Variants in ZFP62 observed in about 807,000 individuals in gnomAD.
ZFP62 encodes the protein zinc finger protein 62 homolog.
A neutral mutation model predicts 56.4 loss-of-function variants in ZFP62; 44 were observed. The observed-to-expected ratio is 0.78, with a 90% CI of 0.61 to 1.00. The LOEUF (loss-of-function observed/expected upper bound fraction) is 1.00, where lower values mean the gene tolerates loss of function less well. ZFP62 is among the 50% of genes least tolerant of loss of function. The probability of loss-of-function intolerance (pLI) is 0.00; values close to 1 mark genes in which losing one functional copy is unlikely to be tolerated. For missense variants in ZFP62, 1,030 were observed against 1,085.7 expected, an observed-to-expected ratio of 0.95 and a Z score of 0.72; for synonymous variants, 421 against 388.9, an observed-to-expected ratio of 1.08 and a Z score of -0.97.
chr5:180,843,312 GTATA>G (rs1773351764), downstream of ZFP62, among the ~76,000 whole-genome samples: 1 of 151,828 alleles, frequency 6.6e-6, no homozygotes, highest in African/African-American at 2.4e-5. Flanking sequence ...AAGAGAAAAA[GTATA>G]TAACTTCCAA....
At position 180,850,667 on chromosome 5, in the gene ZFP62, C is replaced by T. The variant is rs773469432; in HGVS notation, c.828G>A (p.Thr276=). Residue 276 remains threonine (T), a synonymous_variant, in exon 2 of 2, where the codon ACG becomes ACA. Coordinates refer to ENST00000502412, the MANE Select transcript of ZFP62 (RefSeq NM_001172638.2). ...TGTCGCATTCATAGGGCTTCTCCCC[C>T]GTGTGGATCCTTTTGTGGACTCTGA... ...SGLRVHKRIH[T]GEKPYECDIC... 5.7e-6 allele frequency: 9 copies of T among 1,589,378 alleles called. No individual in the cohort carries two copies. The highest frequency in any genetic ancestry group is 2.7e-5 in the African/African-American group (2 of 73,712).
chr5:180,848,782 G>C lies in ZFP62; in HGVS notation c.*10C>G. On this transcript the variant is annotated 3_prime_UTR_variant, in exon 2 of 2. Coordinates refer to ENST00000502412, the MANE Select transcript of ZFP62 (RefSeq NM_001172638.2). ...ATTTGAGTTCGGAGAGACTTGGTAA[G>C]CTCTGCCTGCTACAGAGGCATCCTC... 1 of 1,503,798 alleles carries C rather than the reference G, an allele frequency of 6.6e-7. No homozygotes were observed. The highest frequency in any genetic ancestry group is 8.9e-7 in the Non-Finnish European group (1 of 1,122,200). The allele number at this position is 1,503,798 out of a possible 1,614,324, so 93.2% of individuals were successfully genotyped here.
At chr5:180,830,523 C>T in the ZFP62 span, 1 of 152,326 alleles carries the variant, frequency 6.6e-6, no homozygotes, top group African/African-American at 2.4e-5. Context: ...TTCAGACGTT[C>T]ATCTTGCCTA....
rs777599753 is a variant in ZFP62, at chr5:180,847,871, C to T, written c.*921G>A. On this transcript the variant is annotated 3_prime_UTR_variant, in exon 2 of 2. Coordinates refer to ENST00000502412, the MANE Select transcript of ZFP62 (RefSeq NM_001172638.2). ...GCTTTTTAGCTTCTGCAATAAAATG[C>T]GTTCCTTCTCAGCATTTCTATTCAT... 8.1e-6 allele frequency: 8 copies of T among 985,264 alleles called. No homozygotes were observed. The highest frequency in any genetic ancestry group is 8.4e-6 in the Non-Finnish European group (7 of 829,926). 61.0% of individuals were successfully genotyped at this position (985,264 alleles called of 1,614,324 possible). A position where few individuals can be genotyped will look rare whatever the true frequency, so the allele number is the denominator to read the frequency against.
Position 180,849,167 on chromosome 5 carries a change from T to C in ZFP62, c.2328A>G (p.Lys776=), listed in dbSNP as rs1385335452. The C allele has an allele frequency of 1.3e-6, 2 of 1,564,010 alleles. No homozygotes were observed. The highest frequency in any genetic ancestry group is 4.8e-5 in the East Asian group (2 of 41,740). Residue 776 remains lysine (K), a synonymous_variant, in exon 2 of 2, where the codon AAA becomes AAG. Transcript: ENST00000502412. ...AGGGTTTCTCACCTGTGTGGATCCTTTTATGCACTGTGAGGCCTGAGCTGT... is the reference window on the plus strand; with the variant it reads ...AGGGTTTCTCACCTGTGTGGATCCTCTTATGCACTGTGAGGCCTGAGCTGT... ...FRNSSGLTVH[K]RIHTGEKPYE...
chr5:180,837,419 A>C, the ZFP62 span, among the ~76,000 whole-genome samples: 1 of 152,244 alleles, frequency 6.6e-6, no homozygotes, highest in Non-Finnish European at 1.5e-5. Context: ...GACTGTGAGC[A>C]GCAACTGAAG....
downstream of ZFP62, chr5:180,847,570 C>T: frequency 1.0e-6 from 1 of 985,154 alleles, no homozygotes; most frequent in Non-Finnish European, 1.2e-6. Context: ...ATCTGGCACA[C>T]AAATGGCTCT....
At chr5:180,833,733 C>T in the ZFP62 span, among the ~76,000 whole-genome samples, 281 of 150,840 alleles carry the variant, frequency 1.9e-3, 2 homozygotes, top group East Asian at 0.019. Context: ...CGCAGTGGCA[C>T]GATCTCGGCT....
At chr5:180,846,877 TAGGG>T (rs1773424259), downstream of ZFP62, among the ~76,000 whole-genome samples, 1 of 152,196 alleles carries the variant, frequency 6.6e-6, no homozygotes, top group Non-Finnish European at 1.5e-5. Context: ...AGTCTGTGTA[TAGGG>T]TCAGGCTTGC....
rs1176616385 is a variant in ZFP62, at chr5:180,850,157, C to T, written c.1338G>A (p.Glu446=). ...CACACACATCACATACATAAGGTCTCTCTCCGGTATGAATAGTTCTGTGTT... is the reference window on the plus strand; with the variant it reads ...CACACACATCACATACATAAGGTCTTTCTCCGGTATGAATAGTTCTGTGTT... ...LLQHRTIHTG[E]RPYVCDVCGK... The change falls in exon 2 of 2, where the codon GAG becomes GAA. Residue 446 remains glutamate (E), a synonymous_variant. Transcript: ENST00000502412. 2 of 1,551,688 alleles carry T rather than the reference C, an allele frequency of 1.3e-6. No homozygotes were observed. Among genetic ancestry groups the T allele is most frequent in the Middle Eastern group, 1.7e-4 (1 of 6,014 alleles).
downstream of ZFP62, among the ~76,000 whole-genome samples, chr5:180,844,227 G>A (rs941855003): frequency 6.6e-6 from 1 of 152,178 alleles, no homozygotes; most frequent in Non-Finnish European, 1.5e-5. Context: ...ATAAAGTACA[G>A]AGCATTTTTA....
downstream of ZFP62, chr5:180,845,879 A>G: frequency 1.0e-6 from 1 of 985,468 alleles, no homozygotes; most frequent in Non-Finnish European, 1.2e-6. Flanking sequence ...CTTCATACAC[A>G]AAACATGAAA....
chr5:180,827,778 G>T, the ZFP62 span, among the ~76,000 whole-genome samples: 1 of 152,186 alleles, frequency 6.6e-6, no homozygotes, highest in Non-Finnish European at 1.5e-5. Context: ...CCCGTCCCTG[G>T]GCAATGGAAT....
intron 1 of ZFP62, among the ~76,000 whole-genome samples, chr5:180,859,321 C>A (rs1032814359): frequency 6.6e-6 from 1 of 152,176 alleles, no homozygotes; most frequent in Non-Finnish European, 1.5e-5. Flanking sequence ...GAGAAAGTGA[C>A]AAAATGCTTA....
the ZFP62 span, among the ~76,000 whole-genome samples, chr5:180,837,307 G>A: frequency 6.6e-6 from 1 of 152,206 alleles, no homozygotes; most frequent in Non-Finnish European, 1.5e-5. Context: ...CACTGCGTGT[G>A]ACATCATCAC....
the ZFP62 span, among the ~76,000 whole-genome samples, chr5:180,837,003 G>C: frequency 0.015 from 2,264 of 152,306 alleles, 63 homozygotes; most frequent in African/African-American, 0.052. Context: ...TACATGTGTA[G>C]CCACCTGAGA....
chr5:180,849,093 A>G lies in ZFP62; in HGVS notation c.2402T>C (p.Ile801Thr), dbSNP rs961446599. ...GKAYISHSSL[I>T]NHKSVHQGKQ... ...CCCCTGGTGGACACTTTTATGATTG[A>G]TAAGACTTGAGTGTGAGATGTATGC... The change falls in exon 2 of 2, where the codon ATC becomes ACC. Residue 801 changes from isoleucine (I) to threonine (T), a missense_variant. By Grantham distance (89) the Ile-to-Thr change is moderately conservative. Transcript: ENST00000502412. The G allele has an allele frequency of 5.8e-6, 9 of 1,553,338 alleles. No individual in the cohort carries two copies. Among genetic ancestry groups the G allele is most frequent in the East Asian group, 4.9e-5 (2 of 40,948 alleles).
Position 180,850,547 on chromosome 5 carries a change from C to G in ZFP62, c.948G>C (p.Lys316Asn). The G allele has an allele frequency of 6.4e-7, 1 of 1,555,660 alleles. No individual in the cohort carries two copies. Among genetic ancestry groups the G allele is most frequent in the Non-Finnish European group, 8.7e-7 (1 of 1,149,576 alleles). Residue 316 changes from lysine to asparagine, a missense_variant, in exon 2 of 2, where the codon AAG becomes AAC. Lys to Asn is a moderately conservative substitution (Grantham distance 94). Coordinates refer to ENST00000502412, the MANE Select transcript of ZFP62 (RefSeq NM_001172638.2). ...EKPYECDECG[K>N]AFITCRTLLN... ...GAAGTGTTCTACAAGTAATGAAGGC[C>G]TTCCCACACTCATCACATTCGTAAG... is the stretch of plus-strand genomic sequence containing the variant.
Position 180,848,291 on chromosome 5 carries a change from A to C in ZFP62, c.*501T>G. The C allele has an allele frequency of 1.0e-6, 1 of 985,532 alleles. No individual in the cohort carries two copies. The highest frequency in any genetic ancestry group is 1.2e-6 in the Non-Finnish European group (1 of 830,008). 61.0% of individuals were successfully genotyped at this position (985,532 alleles called of 1,614,324 possible). ...TACATCAAGTTTATACTTAAAGACC[A>C]CTAATATTAAATAAATTTATATTCC... On this transcript the variant is annotated 3_prime_UTR_variant, in exon 2 of 2. Transcript: ENST00000502412.
Sources: allele counts gnomAD v4.1 joint callset (sites outside exome capture counted in the v4.1 genomes callset), GRCh38; gene constraint gnomAD v4.1.1; transcripts MANE v1.5; gene names NCBI Gene and HGNC (gene_info 2026-07-23, HGNC 2026-07-21).